The following RFX3 variants were observed in gnomAD, a reference collection of about 807,000 sequenced individuals.
RFX3 encodes transcription factor RFX3.
In RFX3, 14 loss-of-function variants were observed where a neutral mutation model predicts 98.6. That is an observed-to-expected ratio of 0.14 (90% CI 0.09 to 0.22). RFX3 has a LOEUF of 0.22. Ranked by LOEUF, RFX3 falls within the 10% of genes least tolerant of loss-of-function variation. The pLI is 1.00. For missense variants in RFX3, 639 were observed against 926.9 expected (o/e 0.69, Z 4.03); for synonymous variants, 383 against 328.4 (o/e 1.17, Z -1.80).
intron 1 of RFX3, among the ~76,000 whole-genome samples, chr9:3,399,807 G>C (rs529521463): frequency 2.0e-5 from 3 of 151,890 alleles, no homozygotes; most frequent in African/African-American, 7.2e-5. Context: ...AAATTAGCCA[G>C]GCATGGTGGT....
At chr9:3,369,782 A>G (rs1191006012) in intron 2 of RFX3, among the ~76,000 whole-genome samples, 1 of 152,178 alleles carries the variant, frequency 6.6e-6, no homozygotes, top group Non-Finnish European at 1.5e-5. Flanking sequence ...TTGGGGCTCA[A>G]TTAATGACGA....
At chr9:3,231,824 G>A (rs771866273) in intron 15 of RFX3, among the ~76,000 whole-genome samples, 4 of 152,134 alleles carry the variant, frequency 2.6e-5, no homozygotes, top group Non-Finnish European at 4.4e-5. Flanking sequence ...AGCACTTTGG[G>A]AGGCTGAGGC....
chr9:3,499,609 A>C (rs1041534667), intron 1 of RFX3, among the ~76,000 whole-genome samples: 1 of 152,114 alleles, frequency 6.6e-6, no homozygotes, highest in Admixed American at 6.6e-5. Context: ...ATTGTGGGAA[A>C]TGGATTTTGA....
chr9:3,397,966 C>G (rs928478825), intron 1 of RFX3, among the ~76,000 whole-genome samples: 5 of 152,142 alleles, frequency 3.3e-5, no homozygotes, highest in Admixed American at 2.6e-4. Flanking sequence ...GGAAAGTGAT[C>G]AATTCAGTGG....
intron 7 of RFX3, among the ~76,000 whole-genome samples, chr9:3,285,739 T>A (rs570553883): frequency 6.6e-6 from 1 of 151,694 alleles, no homozygotes; most frequent in African/African-American, 2.4e-5. Flanking sequence ...TCTTTCACAT[T>A]CCTGTTTCGT....
intron 1 of RFX3, chr9:3,469,065 AAAAAAACATTCAAGTG>A: frequency 2.7e-6 from 1 of 376,718 alleles, no homozygotes. Context: ...TAAATTCATT[AAAAAAACATTCAAGTG>A]AAAGCCCAGA....
chr9:3,493,492 G>A (rs962047460), intron 1 of RFX3, among the ~76,000 whole-genome samples: 1 of 151,688 alleles, frequency 6.6e-6, no homozygotes, highest in Non-Finnish European at 1.5e-5. Context: ...AGACCATTCT[G>A]GCTAACATGG....
intron 1 of RFX3, among the ~76,000 whole-genome samples, chr9:3,464,756 A>G (rs1564135101): frequency 6.6e-6 from 1 of 152,220 alleles, no homozygotes; most frequent in Non-Finnish European, 1.5e-5. Context: ...TGAATTACAC[A>G]GTAAGTAAAT....
chr9:3,485,693 A>G (rs1169926333), intron 1 of RFX3, among the ~76,000 whole-genome samples: 1 of 152,252 alleles, frequency 6.6e-6, no homozygotes. Flanking sequence ...TCTCTGAAAA[A>G]CAATTTAAAA....
intron 1 of RFX3, among the ~76,000 whole-genome samples, chr9:3,401,942 T>C (rs1841515734): frequency 6.6e-6 from 1 of 152,204 alleles, no homozygotes; most frequent in South Asian, 2.1e-4. Flanking sequence ...TTCAACCTGA[T>C]GGGTAAAACC....
At chr9:3,410,109 C>A (rs1842325402) in intron 1 of RFX3, among the ~76,000 whole-genome samples, 1 of 148,534 alleles carries the variant, frequency 6.7e-6, no homozygotes, top group Non-Finnish European at 1.5e-5. Flanking sequence ...CTCTTTCTCA[C>A]ATGAGTAAGG....
intron 4 of RFX3, among the ~76,000 whole-genome samples, chr9:3,313,584 G>C (rs1464256950): frequency 6.6e-6 from 1 of 152,190 alleles, no homozygotes; most frequent in Non-Finnish European, 1.5e-5. Flanking sequence ...TGAGCTAAAG[G>C]AGGATGTTCG....
intron 1 of RFX3, among the ~76,000 whole-genome samples, chr9:3,508,341 T>TA (rs1157956606): frequency 6.6e-6 from 1 of 151,968 alleles, no homozygotes; most frequent in African/African-American, 2.4e-5. Context: ...ACACTTTCAA[T>TA]ATTTGTATTT....
chr9:3,415,761 C>T (rs937508647), intron 1 of RFX3, among the ~76,000 whole-genome samples: 1 of 152,130 alleles, frequency 6.6e-6, no homozygotes, highest in African/African-American at 2.4e-5. Context: ...AATTCTAATT[C>T]TATAATATGA....
At chr9:3,479,865 C>G (rs1042663256) in intron 1 of RFX3, among the ~76,000 whole-genome samples, 52 of 152,110 alleles carry the variant, frequency 3.4e-4, no homozygotes, top group Non-Finnish European at 6.9e-4. Context: ...AGACTCAGAA[C>G]AGAGATTGAG....
intron 14 of RFX3, among the ~76,000 whole-genome samples, chr9:3,254,611 C>T (rs546036345): frequency 6.6e-6 from 1 of 151,668 alleles, no homozygotes; most frequent in Non-Finnish European, 1.5e-5. Context: ...GATCTCTGCT[C>T]ACTGCAAGCT....
At chr9:3,258,292 A>T (rs1259275970) in intron 13 of RFX3, among the ~76,000 whole-genome samples, 1 of 152,146 alleles carries the variant, frequency 6.6e-6, no homozygotes, top group Non-Finnish European at 1.5e-5. Context: ...GTGAATACAT[A>T]TGTATTTTTC....
At chr9:3,438,436 T>C (rs1845342897) in intron 1 of RFX3, among the ~76,000 whole-genome samples, 1 of 151,716 alleles carries the variant, frequency 6.6e-6, no homozygotes, top group Admixed American at 6.6e-5. Flanking sequence ...ATGAAAAATA[T>C]GGTGTAAAAA....
chr9:3,345,166 C>G (rs1587206385), intron 3 of RFX3, among the ~76,000 whole-genome samples: 2 of 152,134 alleles, frequency 1.3e-5, no homozygotes, highest in East Asian at 1.9e-4. Context: ...GAGTCAGGGT[C>G]CATGTCACAA....
Sources: allele counts gnomAD v4.1 joint callset (sites outside exome capture counted in the v4.1 genomes callset), GRCh38; gene constraint gnomAD v4.1.1; transcripts MANE v1.5; gene names NCBI Gene and HGNC (gene_info 2026-07-23, HGNC 2026-07-21).